Variants in DRC11 observed in about 807,000 individuals in gnomAD.
The protein encoded by DRC11 is dynein regulatory complex subunit 11, also known as IQ and AAA domain-containing protein 1.
chr2:236,317,329 CA>C, the DRC11 span, among the ~76,000 whole-genome samples: 1 of 151,506 alleles, frequency 6.6e-6, no homozygotes, highest in Non-Finnish European at 1.5e-5. The surrounding 1 kb of genome is among the most constrained non-coding windows in gnomAD (Gnocchi z 5.4). Flanking sequence ...CTCTCATTAA[CA>C]GTAAAATAGG....
the DRC11 span, among the ~76,000 whole-genome samples, chr2:236,445,484 C>A: frequency 1.3e-5 from 2 of 151,822 alleles, no homozygotes; most frequent in Non-Finnish European, 1.5e-5. The surrounding 1 kb of genome is among the most constrained non-coding windows in gnomAD (Gnocchi z 4.8). Context: ...AGGTATGCAC[C>A]ACCATGCTTG....
At chr2:236,409,495 A>G in the DRC11 span, among the ~76,000 whole-genome samples, 1 of 152,124 alleles carries the variant, frequency 6.6e-6, no homozygotes, top group African/African-American at 2.4e-5. Context: ...CTATCAGCTT[A>G]AAGAGATTTT....
the DRC11 span, among the ~76,000 whole-genome samples, chr2:236,354,273 GTGTA>G: frequency 6.6e-6 from 1 of 151,478 alleles, no homozygotes; most frequent in Non-Finnish European, 1.5e-5. Flanking sequence ...GTGCGTGTGT[GTGTA>G]TGAGTTTATG....
the DRC11 span, among the ~76,000 whole-genome samples, chr2:236,372,352 G>C: frequency 6.6e-6 from 1 of 152,118 alleles, no homozygotes; most frequent in Non-Finnish European, 1.5e-5. This position sits in a 1 kb window ranked among gnomAD's most constrained non-coding sequence, Gnocchi z 4.5. Flanking sequence ...GTTGGCTGAA[G>C]ATTCATTTGA....
the DRC11 span, among the ~76,000 whole-genome samples, chr2:236,337,510 T>C: frequency 6.6e-6 from 1 of 152,174 alleles, no homozygotes; most frequent in Non-Finnish European, 1.5e-5. The surrounding 1 kb of genome is among the most constrained non-coding windows in gnomAD (Gnocchi z 4.9). Flanking sequence ...GTTCTCCTAC[T>C]TCACAGATGA....
chr2:236,383,642 T>G, the DRC11 span, among the ~76,000 whole-genome samples: 5 of 152,110 alleles, frequency 3.3e-5, no homozygotes, highest in East Asian at 9.6e-4. Context: ...CATTTTTTTT[T>G]TTTTTGTTTT....
At chr2:236,431,335 A>G in the DRC11 span, among the ~76,000 whole-genome samples, 1 of 152,216 alleles carries the variant, frequency 6.6e-6, no homozygotes, top group African/African-American at 2.4e-5. The surrounding 1 kb of genome is among the most constrained non-coding windows in gnomAD (Gnocchi z 4.2). Context: ...ACTTACAATC[A>G]TGGTGGAAGG....
the DRC11 span, chr2:236,497,123 C>CA: frequency 4.4e-5 from 65 of 1,474,388 alleles, 1 homozygote; most frequent in Middle Eastern, 1.7e-4. This position sits in a 1 kb window ranked among gnomAD's most constrained non-coding sequence, Gnocchi z 5.1. Context: ...TTATTTATAA[C>CA]AAAAAAAAGC....
chr2:236,324,398 T>G, the DRC11 span: 1 of 282,254 alleles, frequency 3.5e-6, no homozygotes, highest in Non-Finnish European at 6.8e-6. The surrounding 1 kb of genome is among the most constrained non-coding windows in gnomAD (Gnocchi z 5.7). Context: ...GTGTCAAGAG[T>G]GAATTTCAGT....
chr2:236,351,462 C>T, the DRC11 span, among the ~76,000 whole-genome samples: 1 of 152,166 alleles, frequency 6.6e-6, no homozygotes, highest in South Asian at 2.1e-4. The surrounding 1 kb of genome is among the most constrained non-coding windows in gnomAD (Gnocchi z 7.3). Flanking sequence ...GGTATCCTCA[C>T]CTGGGGCACA....
At chr2:236,413,926 C>T in the DRC11 span, among the ~76,000 whole-genome samples, 3 of 152,116 alleles carry the variant, frequency 2.0e-5, no homozygotes, top group East Asian at 1.9e-4. The surrounding 1 kb of genome is among the most constrained non-coding windows in gnomAD (Gnocchi z 4.0). Flanking sequence ...GAGACAAAGG[C>T]GATTACTTTG....
At chr2:236,421,606 T>G in the DRC11 span, among the ~76,000 whole-genome samples, 3 of 152,110 alleles carry the variant, frequency 2.0e-5, no homozygotes, top group African/African-American at 7.2e-5. Context: ...CCCAGATGGA[T>G]TCACAGCTGA....
the DRC11 span, among the ~76,000 whole-genome samples, chr2:236,397,122 G>A: frequency 6.6e-6 from 1 of 152,242 alleles, no homozygotes; most frequent in Admixed American, 6.5e-5. The surrounding 1 kb of genome is among the most constrained non-coding windows in gnomAD (Gnocchi z 5.0). Context: ...GGCCACAGGG[G>A]CGTGTGTAGC....
At chr2:236,358,193 TAATA>T in the DRC11 span, among the ~76,000 whole-genome samples, 3 of 116,986 alleles carry the variant, frequency 2.6e-5, no homozygotes, top group Non-Finnish European at 5.1e-5. Context: ...TATGAATATA[TAATA>T]TATATACTAT....
At chr2:236,345,342 T>TC in the DRC11 span, among the ~76,000 whole-genome samples, 1 of 152,088 alleles carries the variant, frequency 6.6e-6, no homozygotes, top group Non-Finnish European at 1.5e-5. Context: ...CCTCTGTCAG[T>TC]CCTGTTCTGA....
chr2:236,322,514 G>C, the DRC11 span, among the ~76,000 whole-genome samples: 1 of 152,044 alleles, frequency 6.6e-6, no homozygotes, highest in Non-Finnish European at 1.5e-5. Flanking sequence ...CCAAAGTGCT[G>C]GGATTACAGG....
the DRC11 span, among the ~76,000 whole-genome samples, chr2:236,430,198 A>AAC: frequency 0.058 from 8,578 of 149,150 alleles, 610 homozygotes; most frequent in Admixed American, 0.2. The surrounding 1 kb of genome is among the most constrained non-coding windows in gnomAD (Gnocchi z 6.0). Context: ...ATATACATAT[A>AAC]ACACACACAC....
chr2:236,330,408 A>ACCTTTTC, the DRC11 span, among the ~76,000 whole-genome samples: 5 of 152,182 alleles, frequency 3.3e-5, no homozygotes, highest in African/African-American at 9.7e-5. This position sits in a 1 kb window ranked among gnomAD's most constrained non-coding sequence, Gnocchi z 5.5. Context: ...TACTATCTGG[A>ACCTTTTC]CCTTTATGGG....
the DRC11 span, among the ~76,000 whole-genome samples, chr2:236,321,871 AACC>A: frequency 6.6e-6 from 1 of 152,182 alleles, no homozygotes. Context: ...TCTCTTGGGT[AACC>A]ACCAACTTCA....
Sources: gnomAD v4.1 joint callset for allele counts (sites outside exome capture counted in the v4.1 genomes callset) on GRCh38, gnomAD v4.1.1 for gene constraint, Gnocchi (gnomAD v3.1) non-coding constraint, MANE v1.5 for transcripts, NCBI Gene and HGNC (gene_info 2026-07-23, HGNC 2026-07-21) for gene names.